Variants in LARP1 observed in about 807,000 individuals in gnomAD.
The protein encoded by LARP1 is La ribonucleoprotein 1, translational regulator.
In LARP1, 36 loss-of-function variants were observed where a neutral mutation model predicts 122.7. That is an observed-to-expected ratio of 0.29 (90% CI 0.22 to 0.39). LARP1 has a LOEUF of 0.39. Among genes scored for constraint, LARP1 ranks in the 10% least tolerant of loss-of-function variants. The pLI is 1.00. For synonymous variants in LARP1, 539 were observed against 528.7 expected (o/e 1.02, Z -0.27); for missense variants, 1,040 against 1,403.6 (o/e 0.74, Z 4.14).
intron 1 of LARP1, among the ~76,000 whole-genome samples, chr5:154,770,471 G>A (rs554413498): frequency 7.6e-4 from 116 of 152,048 alleles, no homozygotes; most frequent in African/African-American, 2.6e-3. Context: ...TACCTCTCCC[G>A]GCCTGTCCCT....
rs1162304375 is a variant in LARP1 at position 154,803,577 on chromosome 5, T to A, written c.2271T>A (p.Ala757=). Reference sequence around the variant, plus strand: ...CCCTGGCCAACAAGTTGTTTGGTGCTCCTGAGCCCTCCACCATCGCCCGCT... The same window carrying A: ...CCCTGGCCAACAAGTTGTTTGGTGCACCTGAGCCCTCCACCATCGCCCGCT... ...TDALANKLFG[A]PEPSTIARSL... The change falls in exon 13 of 19, where the codon GCT becomes GCA. Residue 757 remains alanine, a synonymous_variant. Coordinates refer to ENST00000518297, the MANE Select transcript of LARP1 (RefSeq NM_033551.3). This position sits in a 1 kb window ranked among gnomAD's most constrained non-coding sequence, Gnocchi z 4.4. 3.7e-6 allele frequency: 6 copies of A among 1,613,988 alleles called. No homozygotes were observed. The highest frequency in any genetic ancestry group is 5.1e-6 in the Non-Finnish European group (6 of 1,180,012).
chr5:154,709,884 T>G (rs188210779), upstream of LARP1, among the ~76,000 whole-genome samples: 1 of 152,248 alleles, frequency 6.6e-6, no homozygotes, highest in Non-Finnish European at 1.5e-5. Context: ...CAAACCTCTC[T>G]GCTAATGTTA....
intron 1 of LARP1, among the ~76,000 whole-genome samples, chr5:154,749,561 A>T (rs1409350328): frequency 6.6e-6 from 1 of 152,170 alleles, no homozygotes; most frequent in African/African-American, 2.4e-5. Flanking sequence ...TCTCCTTCAC[A>T]GGAGGAGATC....
Position 154,803,358 on chromosome 5 carries a change from G to C in LARP1, c.2178G>C (p.Glu726Asp). The C allele has an allele frequency of 6.2e-7, 1 of 1,614,134 alleles. No homozygotes were observed. The highest frequency in any genetic ancestry group is 8.5e-7 in the Non-Finnish European group (1 of 1,180,024). ...SREQFDTLTP[E>D]PPVDPNQEVP... ...AGCAGTTTGACACACTGACCCCTGA[G>C]CCCCCTGTGGATCCCAACCAGGAAG... Residue 726 changes from glutamate (E) to aspartate (D), a missense_variant, in exon 12 of 19, where the codon GAG becomes GAC. Glu to Asp is a conservative substitution (Grantham distance 45, BLOSUM62 2). Around this residue, in one of 8 missense-constraint regions of LARP1, gnomAD observed 362 missense variants for 533.1 expected, o/e 0.68. Coordinates refer to ENST00000518297, the MANE Select transcript of LARP1 (RefSeq NM_033551.3). This position sits in a 1 kb window ranked among gnomAD's most constrained non-coding sequence, Gnocchi z 4.4.
intron 18 of LARP1, among the ~76,000 whole-genome samples, chr5:154,812,854 C>T (rs1759397064): frequency 6.6e-6 from 1 of 151,032 alleles, no homozygotes; most frequent in South Asian, 2.1e-4. Context: ...CTTGTGAGAA[C>T]TCACTCACTA....
Position 154,808,444 on chromosome 5 carries a change from T to G in LARP1, c.2699-15T>G, listed in dbSNP as rs1487589316. On this transcript the variant is annotated splice_polypyrimidine_tract_variant and intron_variant, in intron 15 of 18. Transcript: ENST00000518297. ...TGAACCTGAGACATGCCTTTCCTCC[T>G]TTCTTTCCCATCAGAGCGGAAACGC... 1 of 1,609,410 alleles carries G rather than the reference T, an allele frequency of 6.2e-7. No individual in the cohort carries two copies. Among genetic ancestry groups the G allele is most frequent in the South Asian group, 1.1e-5 (1 of 90,576 alleles).
intron 6 of LARP1, 40 bp from the exon 7 acceptor site, chr5:154,794,060 A>G (rs370867889): frequency 2.5e-6 from 4 of 1,612,092 alleles, no homozygotes; most frequent in East Asian, 2.2e-5. Context: ...GGTGGTGGGC[A>G]GGAATCTCCT....
intron 1 of LARP1, among the ~76,000 whole-genome samples, chr5:154,764,118 G>A (rs1411278840): frequency 1.3e-5 from 2 of 151,882 alleles, no homozygotes; most frequent in African/African-American, 2.4e-5. Flanking sequence ...AGACCAGCCT[G>A]GCCAACACAG....
chr5:154,780,123 C>T (rs1448721552), intron 1 of LARP1, among the ~76,000 whole-genome samples: 1 of 152,012 alleles, frequency 6.6e-6, no homozygotes, highest in African/African-American at 2.4e-5. Context: ...TTGGGATGAC[C>T]CTCCCTGGAA....
chr5:154,772,271 TACTA>T, intron 1 of LARP1, among the ~76,000 whole-genome samples: 1 of 152,238 alleles, frequency 6.6e-6, no homozygotes, highest in East Asian at 1.9e-4. Context: ...ACATTCTTCT[TACTA>T]AGTTTTTGAA....
At chr5:154,751,700 A>G (rs1476201996), upstream of LARP1, among the ~76,000 whole-genome samples, 1 of 152,224 alleles carries the variant, frequency 6.6e-6, no homozygotes, top group Non-Finnish European at 1.5e-5. Flanking sequence ...GCACAGTCAC[A>G]TAAATTTTAT....
intron 15 of LARP1, among the ~76,000 whole-genome samples, chr5:154,807,851 G>A (rs919243799): frequency 6.6e-6 from 1 of 152,216 alleles, no homozygotes. Flanking sequence ...ACCTTGCCCA[G>A]CCAAGATGCT....
intron 1 of LARP1, among the ~76,000 whole-genome samples, chr5:154,748,697 A>C (rs1306760629): frequency 6.6e-6 from 1 of 152,238 alleles, no homozygotes; most frequent in African/African-American, 2.4e-5. Context: ...TATTATATAC[A>C]TCTCACTTAA....
chr5:154,757,092 C>T (rs1451255202), intron 1 of LARP1: 1 of 148,844 alleles, frequency 6.7e-6, no homozygotes, highest in Non-Finnish European at 1.5e-5. Flanking sequence ...GGTGCGGGCC[C>T]GCGGCGCGGC....
intron 1 of LARP1, among the ~76,000 whole-genome samples, chr5:154,737,094 G>A (rs1756941812): frequency 6.6e-6 from 1 of 152,152 alleles, no homozygotes; most frequent in Admixed American, 6.5e-5. Flanking sequence ...AGGCTGGAGT[G>A]CAATGGCACA....
chr5:154,791,516 C>T (rs1757355027), intron 3 of LARP1, among the ~76,000 whole-genome samples: 1 of 152,184 alleles, frequency 6.6e-6, no homozygotes, highest in Admixed American at 6.5e-5. Context: ...GCCCCCTAGC[C>T]TCTGTTTTCT....
rs138405384 is a variant in LARP1, at chr5:154,807,458, C to T, written c.2699-1001C>T. Reference sequence around the variant, plus strand: ...ATTTTATATTGAAATATAAAATTTTCGTTTTATATTTCTAAAAGCAATATG... The same window carrying T: ...ATTTTATATTGAAATATAAAATTTTTGTTTTATATTTCTAAAAGCAATATG... On this transcript the variant is annotated intron_variant, in intron 15 of 18. Transcript: ENST00000518297. 3.0e-3 allele frequency among the ~76,000 whole-genome samples: 453 copies of T among 152,122 alleles called. 2 individuals are homozygous for T. The highest frequency in any genetic ancestry group is 5.3e-3 in the Non-Finnish European group (358 of 67,996).
At chr5:154,780,635 C>G (rs561674856) in intron 1 of LARP1, among the ~76,000 whole-genome samples, 1 of 152,212 alleles carries the variant, frequency 6.6e-6, no homozygotes, top group African/African-American at 2.4e-5. Flanking sequence ...ATGAGATTCT[C>G]AAGTCTTTCC....
chr5:154,691,457 C>T (rs1754204002), intron 1 of LARP1, among the ~76,000 whole-genome samples: 2 of 152,160 alleles, frequency 1.3e-5, no homozygotes, highest in Admixed American at 1.3e-4. Context: ...GCCTGGCCGC[C>T]GAGCTTTCGG....
Sources: allele counts gnomAD v4.1 joint callset (sites outside exome capture counted in the v4.1 genomes callset), GRCh38; gene constraint gnomAD v4.1.1; regional missense constraint gnomAD v4.1.1; non-coding constraint Gnocchi (gnomAD v3.1); transcripts MANE v1.5; gene names NCBI Gene and HGNC (gene_info 2026-07-23, HGNC 2026-07-21).